The following SH3BP5 variants were observed in gnomAD, a reference collection of about 807,000 sequenced individuals.
SH3BP5 encodes SH3 domain-binding protein 5.
SH3BP5 carries 22 observed loss-of-function variants against 43.3 expected under a neutral mutation model. The ratio of observed to expected loss-of-function variants is 0.51; its 90% CI spans 0.36 to 0.73. SH3BP5 has a LOEUF of 0.73. Among genes scored for constraint, SH3BP5 ranks in the 30% least tolerant of loss-of-function variants. The pLI, the probability that SH3BP5 is intolerant of heterozygous loss-of-function variation, is 0.00. For synonymous variants in SH3BP5, 255 were observed against 225.8 expected (o/e 1.13, Z -1.16); for missense variants, 529 against 586.9 (o/e 0.90, Z 1.02).
upstream of SH3BP5, among the ~76,000 whole-genome samples, chr3:15,332,796 T>C (rs1333413252): frequency 6.6e-6 from 1 of 152,200 alleles, no homozygotes; most frequent in East Asian, 1.9e-4. Context: ...CTCAACTACG[T>C]AACGCAAGCC....
chr3:15,278,230 A>G (rs1697025457), intron 3 of SH3BP5, among the ~76,000 whole-genome samples: 2 of 152,362 alleles, frequency 1.3e-5, no homozygotes, highest in South Asian at 4.1e-4. Context: ...CCCGGCTAGA[A>G]GCTCATGAAG....
chr3:15,295,732 C>T (rs966164373), intron 3 of SH3BP5, among the ~76,000 whole-genome samples: 6 of 152,096 alleles, frequency 3.9e-5, no homozygotes, highest in Admixed American at 6.6e-5. Context: ...AAGTAACATC[C>T]GCTGTGCATG....
chr3:15,301,489 G>C (rs927487472), intron 3 of SH3BP5, among the ~76,000 whole-genome samples: 1 of 152,132 alleles, frequency 6.6e-6, no homozygotes, highest in Non-Finnish European at 1.5e-5. Context: ...CTGTAAACAA[G>C]TAAATTATAA....
intron 3 of SH3BP5, chr3:15,275,593 A>G (rs1472215051): frequency 6.6e-6 from 1 of 152,280 alleles, no homozygotes; most frequent in Non-Finnish European, 1.5e-5. Context: ...CCTGCTTATA[A>G]TAGTACTAAA....
intron 3 of SH3BP5, among the ~76,000 whole-genome samples, chr3:15,290,525 CAAAAAAAAA>C (rs3031239): frequency 8.9e-5 from 5 of 56,298 alleles, no homozygotes; most frequent in South Asian, 1.2e-3. Flanking sequence ...GACTCTGTCC[CAAAAAAAAA>C]AAAAAAAAAA....
upstream of SH3BP5, chr3:15,333,394 C>T (rs1361483181): frequency 2.6e-6 from 1 of 385,064 alleles, no homozygotes; most frequent in Non-Finnish European, 3.6e-6. Context: ...TTGAGAAATG[C>T]AGAACGTGCA....
intron 3 of SH3BP5, among the ~76,000 whole-genome samples, chr3:15,290,291 G>A (rs1697375190): frequency 6.6e-6 from 1 of 151,954 alleles, no homozygotes; most frequent in African/African-American, 2.4e-5. Context: ...CACTTTGAGA[G>A]GCCAAGGCGG....
At chr3:15,304,783 C>A (rs186238808) in intron 2 of SH3BP5, among the ~76,000 whole-genome samples, 1 of 146,106 alleles carries the variant, frequency 6.8e-6, no homozygotes, top group African/African-American at 2.6e-5. Context: ...CCACTGCACT[C>A]CAGCCTGGGT....
upstream of SH3BP5, chr3:15,333,247 C>G (rs1698659447): frequency 1.0e-6 from 1 of 985,368 alleles, no homozygotes; most frequent in Admixed American, 6.1e-5. Context: ...CTGGCAGACA[C>G]AGCATCCGAA....
chr3:15,331,999 G>T, intron 1 of SH3BP5: 1 of 418,652 alleles, frequency 2.4e-6, no homozygotes, highest in Non-Finnish European at 4.3e-6. Flanking sequence ...ACATCCACCC[G>T]AACCACCAGG....
chr3:15,276,596 C>A (rs997943027), intron 3 of SH3BP5, among the ~76,000 whole-genome samples: 2 of 152,142 alleles, frequency 1.3e-5, no homozygotes, highest in Non-Finnish European at 2.9e-5. Context: ...CTGCGGCTCC[C>A]GTCCTGAAGC....
chr3:15,256,170 C>A lies in SH3BP5; in HGVS notation c.1284G>T (p.Glu428Asp). Residue 428 changes from glutamate to aspartate, a missense_variant, in exon 9 of 9, where the codon GAG becomes GAT. By Grantham distance (45) the Glu-to-Asp change is conservative. Coordinates refer to ENST00000383791, the MANE Select transcript of SH3BP5 (RefSeq NM_004844.5). ...SSTSPEGQAL[E>D]NRMKQLSLQC... The stretch of plus-strand genomic sequence containing the variant: ...GTAGGGAGAGCTGCTTCATCCGGTT[C>A]TCCAAGGCCTGGCCCTCAGGGGAGG... The A allele has an allele frequency of 6.2e-7, 1 of 1,614,214 alleles. No homozygotes were observed. Among genetic ancestry groups the A allele is most frequent in the Non-Finnish European group, 8.5e-7 (1 of 1,180,032 alleles).
Position 15,304,159 on chromosome 3 carries a change from C to T in SH3BP5, c.274G>A (p.Gly92Ser). The change falls in exon 3 of 9, where the codon GGC becomes AGC. Residue 92 changes from glycine to serine, a missense_variant. Gly to Ser is a moderately conservative substitution (Grantham distance 56). Around this residue, in one of 3 missense-constraint regions of SH3BP5, gnomAD observed 85 missense variants for 140.8 expected, o/e 0.60. Transcript: ENST00000383791. ...VKLDELVKKI[G>S]KAVEDSKPYW... ...GGCTTGGAGTCTTCCACAGCTTTGC[C>T]AATTTTCTTCACCAGTTCATCCAGT... 1 of 1,614,184 alleles carries T rather than the reference C, an allele frequency of 6.2e-7. No homozygotes were observed. The highest frequency in any genetic ancestry group is 8.5e-7 in the Non-Finnish European group (1 of 1,180,036).
At chr3:15,259,645 G>C (rs1696357716) in intron 6 of SH3BP5, 116 bp downstream of exon 6, 1 of 991,408 alleles carries the variant, frequency 1.0e-6, no homozygotes, top group South Asian at 1.3e-5. Context: ...AGTAAAGCCT[G>C]TCTCTCCACT....
Position 15,256,207 on chromosome 3 carries a change from C to T in SH3BP5, c.1247G>A (p.Ser416Asn). ...GCCCTCAGGGGAGGTGCTGCTTTGGCTCTTACTGCTGCCACCACTGCCACT... is the reference window on the plus strand; with the variant it reads ...GCCCTCAGGGGAGGTGCTGCTTTGGTTCTTACTGCTGCCACCACTGCCACT... ...SSSGSGGSSK[S>N]QSSTSPEGQA... Residue 416 changes from serine (S) to asparagine (N), a missense_variant, in exon 9 of 9, where the codon AGC becomes AAC. Ser to Asn is a conservative substitution (Grantham distance 46). Coordinates refer to ENST00000383791, the MANE Select transcript of SH3BP5 (RefSeq NM_004844.5). 1 of 1,614,194 alleles carries T rather than the reference C, an allele frequency of 6.2e-7. No homozygotes were observed. The highest frequency in any genetic ancestry group is 8.5e-7 in the Non-Finnish European group (1 of 1,180,028).
chr3:15,266,273 A>G (rs1696643006), intron 4 of SH3BP5, among the ~76,000 whole-genome samples: 1 of 152,126 alleles, frequency 6.6e-6, no homozygotes, highest in Non-Finnish European at 1.5e-5. Context: ...GGCGGTTCAC[A>G]CCCACCAACG....
intron 3 of SH3BP5, among the ~76,000 whole-genome samples, chr3:15,288,906 G>T (rs1443063956): frequency 6.6e-6 from 1 of 152,194 alleles, no homozygotes; most frequent in African/African-American, 2.4e-5. Flanking sequence ...TGAGAAGCTA[G>T]CATTTCCTCA....
intron 2 of SH3BP5, among the ~76,000 whole-genome samples, chr3:15,308,212 C>T (rs1272327021): frequency 6.6e-6 from 1 of 152,170 alleles, no homozygotes; most frequent in Admixed American, 6.5e-5. Flanking sequence ...CCCACCAACG[C>T]TGCCTTTGTG....
At chr3:15,272,379 C>G (rs547322288) in intron 3 of SH3BP5, among the ~76,000 whole-genome samples, 1 of 152,220 alleles carries the variant, frequency 6.6e-6, no homozygotes, top group East Asian at 1.9e-4. Context: ...GGAGGAATGG[C>G]AGGGAATGTG....
Sources: gnomAD v4.1 joint callset for allele counts (sites outside exome capture counted in the v4.1 genomes callset) on GRCh38, gnomAD v4.1.1 for gene constraint, gnomAD v4.1.1 regional missense constraint, MANE v1.5 for transcripts, NCBI Gene and HGNC (gene_info 2026-07-23, HGNC 2026-07-21) for gene names.